CNOT4: variants seen among roughly 807,000 people sequenced by gnomAD.
CNOT4 encodes the protein CCR4-NOT transcription complex subunit 4, also known as CCR4-associated factor 4.
Under a neutral mutation model 73.8 loss-of-function variants are expected in CNOT4, and 8 were observed. The ratio of observed to expected loss-of-function variants is 0.11; its 90% confidence interval spans 0.06 to 0.20. The LOEUF (loss-of-function observed/expected upper bound fraction) is 0.20. Among genes scored for constraint, CNOT4 ranks in the 10% least tolerant of loss-of-function variants. The probability of loss-of-function intolerance (pLI) is 1.00; values close to 1 mark genes in which losing one functional copy is unlikely to be tolerated. For synonymous variants in CNOT4, 293 were observed against 321.1 expected (o/e 0.91, Z 0.94); for missense variants, 564 against 883.4 (o/e 0.64, Z 4.58).
intron 1 of CNOT4, among the ~76,000 whole-genome samples, chr7:135,446,305 T>G (rs560381395): frequency 1.6e-4 from 25 of 152,282 alleles, no homozygotes; most frequent in African/African-American, 6.0e-4. Flanking sequence ...GAGTTTCTGT[T>G]TGAGATGCTG....
intron 2 of CNOT4, among the ~76,000 whole-genome samples, chr7:135,426,119 CAGG>C (rs1563042870): frequency 6.6e-6 from 1 of 152,006 alleles, no homozygotes; most frequent in Non-Finnish European, 1.5e-5. Flanking sequence ...GAGGCTGAGG[CAGG>C]AGGGATGCTT....
intron 1 of CNOT4, among the ~76,000 whole-genome samples, chr7:135,455,904 C>T (rs1044373396): frequency 7.2e-5 from 11 of 152,074 alleles, no homozygotes; most frequent in African/African-American, 2.4e-4. Flanking sequence ...AACATATAAG[C>T]GTGTTAATAT....
At chr7:135,483,580 T>G (rs924275957) in intron 1 of CNOT4, among the ~76,000 whole-genome samples, 2 of 151,348 alleles carry the variant, frequency 1.3e-5, no homozygotes, top group African/African-American at 2.4e-5. Context: ...ATCCCAGCAC[T>G]TTGGGAGAGC....
chr7:135,423,108 A>G (rs894183972), intron 2 of CNOT4, among the ~76,000 whole-genome samples: 11 of 152,196 alleles, frequency 7.2e-5, no homozygotes, highest in African/African-American at 1.4e-4. Context: ...TGTCCTACAT[A>G]TAAGTATTCA....
In CNOT4 at chr7:135,435,687, A is replaced by T. The variant is rs557225775; in HGVS notation, c.174+2471T>A. ...GTTGGTTTTCCTGAAATCTGTGTTA[A>T]TTCTTGTTTTTGCACACCTTTACAT... On this transcript the variant is annotated intron_variant, in intron 2 of 11. Coordinates refer to ENST00000541284, the MANE Select transcript of CNOT4 (RefSeq NM_001190850.2). 1.9e-4 allele frequency among the ~76,000 whole-genome samples: 29 copies of T among 151,992 alleles called. No individual in the cohort carries two copies. The South Asian group carries it at 5.8e-3, about 30-fold the overall frequency.
intron 1 of CNOT4, among the ~76,000 whole-genome samples, chr7:135,479,575 A>AT (rs144104851): frequency 0.015 from 2,238 of 151,912 alleles, 58 homozygotes; most frequent in African/African-American, 0.051. Context: ...TATAATTTGT[A>AT]TTTTTTTAAA....
Position 135,370,675 on chromosome 7 carries a change from G to A in CNOT4, c.1628-6609C>T, listed in dbSNP as rs776649343. Among the ~76,000 whole-genome samples, 5 of 152,216 alleles carry A rather than the reference G, an allele frequency of 3.3e-5. No homozygotes were observed. In the South Asian group the frequency reaches 8.3e-4, roughly 25 times the overall value. ...TGTTACATGCATCAAGATATCTGCAGACTTGAGGGTCTGACTTGAGAAGAG... is the reference window on the plus strand; with the variant it reads ...TGTTACATGCATCAAGATATCTGCAAACTTGAGGGTCTGACTTGAGAAGAG... On this transcript the variant is annotated intron_variant, in intron 10 of 11. Transcript: ENST00000541284.
intron 1 of CNOT4, among the ~76,000 whole-genome samples, chr7:135,457,943 T>A (rs1800648969): frequency 6.6e-6 from 1 of 152,130 alleles, no homozygotes; most frequent in South Asian, 2.1e-4. Flanking sequence ...AATCATAGGT[T>A]ACGACTCTCA....
At chr7:135,414,294 TTA>T in intron 5 of CNOT4, 35 bp downstream of exon 5, 1 of 789,074 alleles carries the variant, frequency 1.3e-6, no homozygotes, top group Non-Finnish European at 2.1e-6. Flanking sequence ...CTCGTCTTCC[TTA>T]AAAAAAAAAA....
intron 1 of CNOT4, chr7:135,509,104 T>C (rs1804563019): frequency 6.6e-6 from 1 of 152,194 alleles, no homozygotes; most frequent in Non-Finnish European, 1.5e-5. Flanking sequence ...TCCTTTTACT[T>C]TTCAAGGGCC....
rs1183437261 is a variant in CNOT4, at chr7:135,437,194, C to CTTTTT, written c.174+963_174+964insAAAAA. Among the ~76,000 whole-genome samples, 199 of 150,396 alleles carry CTTTTT rather than the reference C, an allele frequency of 1.3e-3. 1 individual carries two copies. Among genetic ancestry groups the CTTTTT allele is most frequent in the African/African-American group, 4.5e-3 (185 of 40,984 alleles). ...TTAGGAGGGGCTTTTCTTTTCTTTT[C>CTTTTT]TTTTCTTTTTTTTGAGACGGAGTCT... is the stretch of plus-strand genomic sequence containing the variant. On this transcript the variant is annotated intron_variant, in intron 2 of 11. Transcript: ENST00000541284.
chr7:135,465,772 G>T (rs1026349238), intron 1 of CNOT4, among the ~76,000 whole-genome samples: 4 of 152,082 alleles, frequency 2.6e-5, no homozygotes, highest in South Asian at 2.1e-4. Context: ...ATAAGGCCAG[G>T]TGTGGTGGCT....
At chr7:135,388,818 T>C (rs761427600) in intron 10 of CNOT4, 1 of 1,613,078 alleles carries the variant, frequency 6.2e-7, no homozygotes, top group South Asian at 1.1e-5. Flanking sequence ...TGTGGAGACT[T>C]GTAGGCTGCT....
chr7:135,393,421 AT>A (rs2129483344), intron 10 of CNOT4, among the ~76,000 whole-genome samples: 1 of 152,262 alleles, frequency 6.6e-6, no homozygotes, highest in South Asian at 2.1e-4. Context: ...TCTCAAGTAT[AT>A]TTATAGCTCA....
chr7:135,387,812 G>A, intron 10 of CNOT4: 1 of 979,480 alleles, frequency 1.0e-6, no homozygotes, highest in Non-Finnish European at 1.2e-6. Context: ...CTATTCTCTT[G>A]ATTAAAATTA....
In CNOT4 at chr7:135,504,488, TTATTTTTA is replaced by T. The variant is rs1563088794; in HGVS notation, c.-93+5393_-93+5400del. ...TTTTTTTTTTTTTTTTTTTTTTTTT[TTATTTTTA>T]TTTTTTTTGAGACGGAGTCTCGCTC... On this transcript the variant is annotated intron_variant, in intron 1 of 11. Transcript: ENST00000541284. Among the ~76,000 whole-genome samples, 7 of 71,354 alleles carry T rather than the reference TTATTTTTA, an allele frequency of 9.8e-5. 1 individual carries two copies. Among genetic ancestry groups the T allele is most frequent in the African/African-American group, 4.9e-4 (7 of 14,352 alleles). 46.8% of individuals were successfully genotyped at this position (71,354 alleles called of 152,430 possible).
At chr7:135,487,690 T>C (rs1189568513) in intron 1 of CNOT4, among the ~76,000 whole-genome samples, 3 of 152,172 alleles carry the variant, frequency 2.0e-5, no homozygotes, top group African/African-American at 2.4e-5. Flanking sequence ...ATTGCTATTA[T>C]CTCATGCATT....
intron 7 of CNOT4, among the ~76,000 whole-genome samples, chr7:135,404,899 T>C (rs1322470564): frequency 6.6e-6 from 1 of 152,188 alleles, no homozygotes; most frequent in Non-Finnish European, 1.5e-5. Context: ...ATCCACTACA[T>C]CTGTCTTCAG....
chr7:135,399,473 T>C (rs529357422), intron 7 of CNOT4, among the ~76,000 whole-genome samples: 4 of 152,242 alleles, frequency 2.6e-5, no homozygotes, highest in Non-Finnish European at 4.4e-5. Context: ...CCATTGTATA[T>C]GTGGTCCAGC....
Sources: allele counts gnomAD v4.1 joint callset (sites outside exome capture counted in the v4.1 genomes callset), GRCh38; gene constraint gnomAD v4.1.1; transcripts MANE v1.5; gene names NCBI Gene and HGNC (gene_info 2026-07-23, HGNC 2026-07-21).